Variants in COL19A1 observed in about 807,000 individuals in gnomAD.
COL19A1 encodes collagen type XIX alpha 1 chain.
A neutral mutation model predicts 190.2 loss-of-function variants in COL19A1; 159 were observed. The ratio of observed to expected loss-of-function variants is 0.84; its 90% confidence interval spans 0.73 to 0.95. The LOEUF (loss-of-function observed/expected upper bound fraction) is 0.95. Ranked by LOEUF, COL19A1 falls within the 40% of genes least tolerant of loss-of-function variation. The probability of loss-of-function intolerance (pLI) is 0.00; values close to 1 mark genes in which losing one functional copy is unlikely to be tolerated. For synonymous variants in COL19A1, 509 were observed against 458.9 expected (o/e 1.11, Z -1.39); for missense variants, 1,418 against 1,431.9 (o/e 0.99, Z 0.16).
chr6:69,958,997 T>A (rs1467153354), intron 9 of COL19A1, among the ~76,000 whole-genome samples: 1 of 152,212 alleles, frequency 6.6e-6, no homozygotes. Flanking sequence ...ATAAAGCAGT[T>A]CCATGAAATT....
chr6:69,995,244 T>C (rs1361315572), intron 11 of COL19A1, among the ~76,000 whole-genome samples: 1 of 152,156 alleles, frequency 6.6e-6, no homozygotes, highest in East Asian at 1.9e-4. Flanking sequence ...ATAGAAGTTA[T>C]GGCAACAGTT....
chr6:70,190,847 GC>G (rs1273862132), intron 48 of COL19A1, among the ~76,000 whole-genome samples: 9 of 152,282 alleles, frequency 5.9e-5, no homozygotes, highest in South Asian at 2.1e-4. Context: ...CCTAGCCAAA[GC>G]TATTGCCACC....
At chr6:69,983,934 C>T (rs1776180618) in intron 11 of COL19A1, among the ~76,000 whole-genome samples, 1 of 151,916 alleles carries the variant, frequency 6.6e-6, no homozygotes, top group South Asian at 2.1e-4. Flanking sequence ...TCTGGTCAAA[C>T]TTTGCTATCA....
intron 2 of COL19A1, among the ~76,000 whole-genome samples, chr6:69,895,339 G>A (rs1266013196): frequency 6.6e-6 from 1 of 152,220 alleles, no homozygotes; most frequent in Non-Finnish European, 1.5e-5. Context: ...ACAGTGAGAG[G>A]TTTTGTGTTC....
At chr6:70,142,968 T>C in intron 23 of COL19A1, 148 bp downstream of exon 23, 1 of 652,976 alleles carries the variant, frequency 1.5e-6, no homozygotes, top group Non-Finnish European at 2.6e-6. Context: ...TCATACCTAA[T>C]GTCAGGAGCT....
chr6:70,097,555 T>C, intron 15 of COL19A1, among the ~76,000 whole-genome samples: 1 of 152,090 alleles, frequency 6.6e-6, no homozygotes, highest in East Asian at 1.9e-4. Context: ...CTCAGCAATC[T>C]ATTTTAAAAC....
At chr6:70,027,937 A>G (rs771520825) in intron 12 of COL19A1, among the ~76,000 whole-genome samples, 5 of 152,068 alleles carry the variant, frequency 3.3e-5, no homozygotes, top group Non-Finnish European at 7.4e-5. Context: ...TACTTGGTAA[A>G]TTACTTAGCC....
chr6:69,936,935 A>C, intron 8 of COL19A1, 25 bp downstream of exon 8: 1 of 1,609,846 alleles, frequency 6.2e-7, no homozygotes, highest in Non-Finnish European at 8.5e-7. Flanking sequence ...ATTGGTGCAC[A>C]CTGAAAGCCA....
chr6:70,023,399 G>A (rs918758237), intron 11 of COL19A1, among the ~76,000 whole-genome samples: 1 of 152,122 alleles, frequency 6.6e-6, no homozygotes, highest in African/African-American at 2.4e-5. Context: ...GCCTCCCAAA[G>A]TGCTAGGATT....
intron 1 of COL19A1, among the ~76,000 whole-genome samples, chr6:69,876,112 C>A (rs367897764): frequency 6.6e-6 from 1 of 151,994 alleles, no homozygotes; most frequent in African/African-American, 2.4e-5. Flanking sequence ...GGAAGAGAAA[C>A]GGATTCTTCT....
chr6:70,199,832 C>A, intron 49 of COL19A1, 96 bp downstream of exon 49: 1 of 1,179,818 alleles, frequency 8.5e-7, no homozygotes, highest in Non-Finnish European at 1.2e-6. Context: ...GTATGTATGT[C>A]CTTTATTTAT....
chr6:69,878,315 GT>G (rs1768272518), intron 1 of COL19A1, among the ~76,000 whole-genome samples: 1 of 151,998 alleles, frequency 6.6e-6, no homozygotes, highest in African/African-American at 2.4e-5. Context: ...CCAGGTTCAA[GT>G]GATTCTCCTG....
chr6:69,938,645 A>T (rs1773266844), intron 9 of COL19A1, among the ~76,000 whole-genome samples: 1 of 152,106 alleles, frequency 6.6e-6, no homozygotes, highest in Non-Finnish European at 1.5e-5. Context: ...TTACAAGGCC[A>T]TATGTGTTAG....
In COL19A1 at chr6:70,186,053, TGTAA is replaced by T. The variant is rs551498332; in HGVS notation, c.2856+1141_2856+1144del. The stretch of plus-strand genomic sequence containing the variant: ...TTCCAAAAAGGAGCTTATGCTGTCT[TGTAA>T]GTGTCTTTTTTCACCTAACGATATA... On this transcript the variant is annotated intron_variant, in intron 46 of 50. Coordinates refer to ENST00000620364, the MANE Select transcript of COL19A1 (RefSeq NM_001858.6). 2.9e-4 allele frequency among the ~76,000 whole-genome samples: 44 copies of T among 152,268 alleles called. 1 individual carries two copies. Among genetic ancestry groups the T allele is most frequent in the South Asian group, 1.4e-3 (7 of 4,834 alleles).
chr6:69,900,341 A>T lies in COL19A1; in HGVS notation c.266+3A>T. The T allele has an allele frequency of 6.9e-7, 1 of 1,458,788 alleles. No individual in the cohort carries two copies. Among genetic ancestry groups the T allele is most frequent in the Non-Finnish European group, 9.3e-7 (1 of 1,078,858 alleles). 90.4% of individuals were successfully genotyped at this position (1,458,788 alleles called of 1,614,324 possible). On this transcript the variant is annotated splice_donor_region_variant and intron_variant, in intron 4 of 50. Coordinates refer to ENST00000620364, the MANE Select transcript of COL19A1 (RefSeq NM_001858.6). Reference sequence around the variant, plus strand: ...GCACTTCTTATTAGAGACACTATGTAAGTAAAAAATTATTTTCTTTATGTT... The same window carrying T: ...GCACTTCTTATTAGAGACACTATGTTAGTAAAAAATTATTTTCTTTATGTT...
intron 2 of COL19A1, among the ~76,000 whole-genome samples, chr6:69,880,058 C>T (rs1006138230): frequency 6.6e-6 from 1 of 152,102 alleles, no homozygotes; most frequent in South Asian, 2.1e-4. Flanking sequence ...AGTGAAAAAT[C>T]GGATAGGAGG....
At chr6:69,984,500 T>C (rs907883199) in intron 11 of COL19A1, among the ~76,000 whole-genome samples, 1 of 152,158 alleles carries the variant, frequency 6.6e-6, no homozygotes, top group African/African-American at 2.4e-5. Context: ...TTTTGTCAGA[T>C]ATATAATTTT....
chr6:70,069,933 G>T (rs1424867076), intron 15 of COL19A1, among the ~76,000 whole-genome samples: 1 of 152,064 alleles, frequency 6.6e-6, no homozygotes, highest in Admixed American at 6.6e-5. Context: ...TTTAAAATTT[G>T]ATAAGCCTAC....
At chr6:69,876,532 C>T (rs1351207154) in intron 1 of COL19A1, among the ~76,000 whole-genome samples, 1 of 151,980 alleles carries the variant, frequency 6.6e-6, no homozygotes, top group Non-Finnish European at 1.5e-5. Flanking sequence ...AAGTTAAGGC[C>T]CTATATAATA....
Sources: allele counts gnomAD v4.1 joint callset (sites outside exome capture counted in the v4.1 genomes callset), GRCh38; gene constraint gnomAD v4.1.1; transcripts MANE v1.5; gene names NCBI Gene and HGNC (gene_info 2026-07-23, HGNC 2026-07-21).